MAPK8: variants seen among roughly 807,000 people sequenced by gnomAD.
The protein encoded by MAPK8 is JUN N-terminal kinase.
MAPK8 carries 13 observed loss-of-function variants against 52.9 expected under a neutral mutation model. The observed-to-expected ratio is 0.25, with a 90% CI of 0.16 to 0.39. The LOEUF (loss-of-function observed/expected upper bound fraction) is 0.39. MAPK8 is among the 10% of genes least tolerant of loss of function. The pLI is 1.00. For synonymous variants in MAPK8, 191 were observed against 169.8 expected (o/e 1.12, Z -0.97); for missense variants, 300 against 519.2 (o/e 0.58, Z 4.10).
intron 7 of MAPK8, 159 bp from the exon 8 acceptor site, chr10:48,425,729 T>G: frequency 2.1e-6 from 1 of 475,086 alleles, no homozygotes; most frequent in Non-Finnish European, 3.7e-6. Context: ...TCTGTCCACC[T>G]ACAATCATTG....
At chr10:48,380,023 C>G (rs1294344269) in intron 1 of MAPK8, among the ~76,000 whole-genome samples, 1 of 149,998 alleles carries the variant, frequency 6.7e-6, no homozygotes, top group Non-Finnish European at 1.5e-5. Context: ...GTGAGCGGAT[C>G]ATGAGGTCAG....
chr10:48,425,774 T>C, intron 7 of MAPK8, 114 bp from the exon 8 acceptor site: 1 of 578,336 alleles, frequency 1.7e-6, no homozygotes, highest in Non-Finnish European at 2.9e-6. Context: ...ATAAAATTTA[T>C]AACTGCCACA....
chr10:48,327,933 T>A (rs1219157197), intron 1 of MAPK8, among the ~76,000 whole-genome samples: 1 of 152,244 alleles, frequency 6.6e-6, no homozygotes, highest in African/African-American at 2.4e-5. Context: ...AGTATTCCTT[T>A]GTTGTACTTT....
intron 1 of MAPK8, among the ~76,000 whole-genome samples, chr10:48,357,773 G>A (rs1036367674): frequency 6.6e-6 from 1 of 152,144 alleles, no homozygotes; most frequent in Non-Finnish European, 1.5e-5. Flanking sequence ...CATTTAGAAT[G>A]TTGTGCATCC....
chr10:48,385,613 G>GTT (rs138020774), intron 1 of MAPK8, among the ~76,000 whole-genome samples: 10 of 149,714 alleles, frequency 6.7e-5, no homozygotes, highest in African/African-American at 2.4e-4. Context: ...TAAAAAATGA[G>GTT]TTTTTTTTTT....
intron 1 of MAPK8, among the ~76,000 whole-genome samples, chr10:48,374,017 A>G (rs907698839): frequency 3.9e-5 from 6 of 152,184 alleles, no homozygotes; most frequent in Non-Finnish European, 7.3e-5. Flanking sequence ...TCCTCAGTAA[A>G]TGCAAGAGAA....
intron 1 of MAPK8, among the ~76,000 whole-genome samples, chr10:48,362,737 G>GTT (rs10715224): frequency 1.7e-4 from 15 of 87,720 alleles, no homozygotes; most frequent in Admixed American, 4.2e-4. Context: ...AATTTTATTA[G>GTT]TTTTTTTTTT....
chr10:48,371,715 G>A (rs1423336230), intron 1 of MAPK8, among the ~76,000 whole-genome samples: 1 of 152,078 alleles, frequency 6.6e-6, no homozygotes, highest in African/African-American at 2.4e-5. Context: ...CCCACAGGAT[G>A]AGGTCTCAGT....
At position 48,426,048 on chromosome 10, in the gene MAPK8, C is replaced by T. The variant is rs2133238885; in HGVS notation, c.849C>T (p.Asp283=). Residue 283 remains aspartate (D), a synonymous_variant, in exon 8 of 12, where the codon GAC becomes GAT. Coordinates refer to ENST00000374189, the MANE Select transcript of MAPK8 (RefSeq NM_001323329.2). ...TCCCTGATGTCCTTTTCCCAGCTGA[C>T]TCAGAACACAACAAACTTAAAGGTA... The part of the protein sequence containing the change: ...KLFPDVLFPA[D]SEHNKLKASQ... 6.2e-7 allele frequency: 1 copy of T among 1,611,026 alleles called. No individual in the cohort carries two copies. Among genetic ancestry groups the T allele is most frequent in the South Asian group, 1.1e-5 (1 of 90,652 alleles).
At chr10:48,336,080 A>G (rs1243545097) in intron 1 of MAPK8, among the ~76,000 whole-genome samples, 1 of 152,154 alleles carries the variant, frequency 6.6e-6, no homozygotes, top group Non-Finnish European at 1.5e-5. Context: ...CTCCATCTGT[A>G]TCAGGTATTT....
At chr10:48,328,408 G>A (rs572520939) in intron 1 of MAPK8, among the ~76,000 whole-genome samples, 3 of 149,410 alleles carry the variant, frequency 2.0e-5, no homozygotes, top group African/African-American at 7.4e-5. Context: ...ATGATCAGTT[G>A]TCTCACATTT....
intron 1 of MAPK8, among the ~76,000 whole-genome samples, chr10:48,371,915 A>T (rs1848562873): frequency 6.6e-6 from 1 of 152,136 alleles, no homozygotes; most frequent in Non-Finnish European, 1.5e-5. Context: ...ATTACAGAGA[A>T]TACAGATGAA....
chr10:48,306,864 C>G (rs1841372644), intron 1 of MAPK8, 43 bp downstream of exon 1: 1 of 151,878 alleles, frequency 6.6e-6, no homozygotes, highest in South Asian at 2.0e-4. Flanking sequence ...GCAGGCGGCC[C>G]CGTCGTGTTT....
chr10:48,359,059 T>C (rs991835987), intron 1 of MAPK8, among the ~76,000 whole-genome samples: 2 of 152,206 alleles, frequency 1.3e-5, no homozygotes, highest in African/African-American at 2.4e-5. Context: ...CTTTATCTTA[T>C]AAAAAACCCG....
In MAPK8 at chr10:48,404,966, T is replaced by C; in HGVS notation, c.237T>C (p.Cys79=). 1 of 1,600,130 alleles carries C rather than the reference T, an allele frequency of 6.2e-7. No individual in the cohort carries two copies. The highest frequency in any genetic ancestry group is 1.3e-5 in the African/African-American group (1 of 74,340). The change falls in exon 3 of 12, where the codon TGT becomes TGC. Residue 79 remains cysteine, a synonymous_variant. Transcript: ENST00000374189. ...ACAGAGAGCTAGTTCTTATGAAATG[T>C]GTTAATCACAAAAATGTAAGTGAAC... ...RAYRELVLMK[C]VNHKNIIGLL...
At chr10:48,332,897 A>G (rs10776595) in intron 1 of MAPK8, among the ~76,000 whole-genome samples, 82,111 of 152,048 alleles carry the variant, frequency 0.54, 22,397 homozygotes, top group Middle Eastern at 0.73. Context: ...TTGGCCTTCA[A>G]GGAGCTTTAG....
intron 1 of MAPK8, among the ~76,000 whole-genome samples, chr10:48,311,279 C>A (rs1365565852): frequency 6.6e-6 from 1 of 152,184 alleles, no homozygotes; most frequent in Non-Finnish European, 1.5e-5. Flanking sequence ...AGTGTCCATT[C>A]TAATTCTCCA....
chr10:48,414,568 ATTTTTT>A (rs3047769), intron 5 of MAPK8, among the ~76,000 whole-genome samples: 7 of 88,444 alleles, frequency 7.9e-5, no homozygotes, highest in Non-Finnish European at 1.5e-4. Flanking sequence ...GTTGAAAAGA[ATTTTTT>A]TTTTTTTTTT....
chr10:48,336,664 G>GA (rs1214688883), intron 1 of MAPK8, among the ~76,000 whole-genome samples: 1 of 151,956 alleles, frequency 6.6e-6, no homozygotes, highest in Non-Finnish European at 1.5e-5. Context: ...TTTTTCAAAA[G>GA]AAAAAATAAT....
Sources: allele counts gnomAD v4.1 joint callset (sites outside exome capture counted in the v4.1 genomes callset), GRCh38; gene constraint gnomAD v4.1.1; transcripts MANE v1.5; gene names NCBI Gene and HGNC (gene_info 2026-07-23, HGNC 2026-07-21).